Variants in GNG4 observed in about 807,000 individuals in gnomAD.
The protein encoded by GNG4 is G protein subunit gamma 4.
GNG4 carries 4 observed loss-of-function variants against 5.8 expected under a neutral mutation model. The observed-to-expected ratio is 0.69, with a 90% confidence interval of 0.34 to 1.57. The LOEUF is 1.57. Ranked by LOEUF, GNG4 falls within the 40% of genes most tolerant of loss-of-function variation. GNG4 has a pLI of 0.06. For missense variants in GNG4, 96 were observed against 95.1 expected (o/e 1.01, Z -0.04); for synonymous variants, 29 against 32.9 (o/e 0.88, Z 0.41).
At chr1:235,621,423 C>G (rs1391120003) in intron 1 of GNG4, among the ~76,000 whole-genome samples, 1 of 150,834 alleles carries the variant, frequency 6.6e-6, no homozygotes, top group Non-Finnish European at 1.5e-5. Flanking sequence ...TCCTGAGTAG[C>G]TGGGACTACA....
Position 235,648,432 on chromosome 1 carries a change from A to G in GNG4, c.-123+1230T>C, listed in dbSNP as rs1161725106. Among the ~76,000 whole-genome samples, 2 of 152,196 alleles carry G rather than the reference A, an allele frequency of 1.3e-5. No homozygotes were observed. The highest frequency in any genetic ancestry group is 4.8e-5 in the African/African-American group (2 of 41,442). On this transcript the variant is annotated intron_variant, in intron 1 of 3. Coordinates refer to ENST00000391854, the MANE Select transcript of GNG4 (RefSeq NM_001098722.2). This position sits in a 1 kb window ranked among gnomAD's most constrained non-coding sequence, Gnocchi z 5.0. ...TTCTCCGGGCTGGAAAAGGCTTTCC[A>G]TTTATCAACTTAGTTGTCCCCCCAG...
intron 3 of GNG4, among the ~76,000 whole-genome samples, chr1:235,554,740 G>A (rs528829748): frequency 6.6e-6 from 1 of 151,794 alleles, no homozygotes; most frequent in Non-Finnish European, 1.5e-5. Flanking sequence ...AGCTACTCAG[G>A]AGGCTGAGGC....
chr1:235,562,149 C>G (rs1468471679), intron 3 of GNG4, among the ~76,000 whole-genome samples: 1 of 152,208 alleles, frequency 6.6e-6, no homozygotes, highest in African/African-American at 2.4e-5. Flanking sequence ...GCTCTCTATT[C>G]TGTTCCACTG....
chr1:235,589,199 G>C (rs149250573), intron 2 of GNG4, among the ~76,000 whole-genome samples: 18 of 152,322 alleles, frequency 1.2e-4, no homozygotes, highest in African/African-American at 4.1e-4. Flanking sequence ...GTTTGTAAAA[G>C]CTATTATTGC....
At chr1:235,587,158 G>A (rs1227287443) in intron 2 of GNG4, among the ~76,000 whole-genome samples, 1 of 150,722 alleles carries the variant, frequency 6.6e-6, no homozygotes, top group African/African-American at 2.5e-5. Flanking sequence ...GTGGGGTGGG[G>A]GTGAGCGTGT....
chr1:235,573,336 AG>A (rs1430857047), intron 3 of GNG4, among the ~76,000 whole-genome samples: 36 of 69,374 alleles, frequency 5.2e-4, no homozygotes, highest in Admixed American at 1.7e-3. Flanking sequence ...GGGTGGGGGG[AG>A]GGGGGAGGGA....
chr1:235,604,083 C>T (rs984197915), intron 1 of GNG4, among the ~76,000 whole-genome samples: 2 of 152,182 alleles, frequency 1.3e-5, no homozygotes, highest in Non-Finnish European at 2.9e-5. Flanking sequence ...GAAGTTTACT[C>T]GTGGCCTGAG....
rs1686720506 is a variant in GNG4 at position 235,550,654 on chromosome 1, G to A, written c.*1455C>T. The A allele has an allele frequency of 6.6e-6, 1 of 151,990 alleles. No homozygotes were observed. The highest frequency in any genetic ancestry group is 2.1e-4 in the South Asian group (1 of 4,822). The allele number at this position is 151,990 out of a possible 1,614,324, so 9.4% of individuals were successfully genotyped here. A position where few individuals can be genotyped will look rare whatever the true frequency, so the allele number is the denominator to read the frequency against. On this transcript the variant is annotated 3_prime_UTR_variant, in exon 4 of 4. Transcript: ENST00000391854. The stretch of plus-strand genomic sequence containing the variant: ...CCGTCTCTACTAAAAATACAAAAAT[G>A]AGCCAGGCATGTTGGCGTGTGCTTG...
intron 1 of GNG4, among the ~76,000 whole-genome samples, chr1:235,623,877 T>A (rs1324655532): frequency 6.6e-6 from 1 of 152,192 alleles, no homozygotes; most frequent in African/African-American, 2.4e-5. Context: ...GAGGGAAGAA[T>A]GATTATTTCT....
intron 3 of GNG4, among the ~76,000 whole-genome samples, chr1:235,552,577 T>C (rs556013794): frequency 6.6e-5 from 10 of 152,252 alleles, no homozygotes; most frequent in African/African-American, 2.2e-4. Flanking sequence ...TGCTAAACCG[T>C]TTCTGGAAGA....
At chr1:235,634,938 A>G (rs150156060) in intron 1 of GNG4, among the ~76,000 whole-genome samples, 1 of 135,302 alleles carries the variant, frequency 7.4e-6, no homozygotes. Flanking sequence ...CTGTCTCAAA[A>G]AACAAAAAAC....
chr1:235,593,286 C>T (rs992434196), intron 2 of GNG4, among the ~76,000 whole-genome samples: 4 of 152,172 alleles, frequency 2.6e-5, no homozygotes, highest in African/African-American at 9.7e-5. Flanking sequence ...TCTTGCAGCA[C>T]ACAACTCAGT....
chr1:235,564,062 T>C (rs1687133026), intron 3 of GNG4, among the ~76,000 whole-genome samples: 2 of 152,208 alleles, frequency 1.3e-5, no homozygotes, highest in Non-Finnish European at 2.9e-5. Context: ...GTAGTATATA[T>C]ACACCATGAA....
intron 3 of GNG4, among the ~76,000 whole-genome samples, chr1:235,573,724 C>G (rs2102931662): frequency 6.6e-6 from 1 of 152,122 alleles, no homozygotes; most frequent in Non-Finnish European, 1.5e-5. Flanking sequence ...TTGCAGTGAG[C>G]CGAGATCGTG....
intron 3 of GNG4, among the ~76,000 whole-genome samples, chr1:235,582,219 C>T (rs1356907687): frequency 3.3e-5 from 5 of 152,216 alleles, no homozygotes; most frequent in East Asian, 3.8e-4. Flanking sequence ...CTGACAACTC[C>T]GTCTATTGCT....
At chr1:235,558,177 T>C (rs543982716) in intron 3 of GNG4, among the ~76,000 whole-genome samples, 1 of 152,316 alleles carries the variant, frequency 6.6e-6, no homozygotes, top group South Asian at 2.1e-4. Flanking sequence ...TAAGCCCGAA[T>C]GTGTGGATCT....
chr1:235,638,039 C>A (rs563403265), intron 1 of GNG4, among the ~76,000 whole-genome samples: 2 of 152,218 alleles, frequency 1.3e-5, no homozygotes, highest in Admixed American at 1.3e-4. Flanking sequence ...CTCCTGCCTG[C>A]GCATCTGGCC....
In GNG4 at chr1:235,642,992, T is replaced by C. The variant is rs181933292; in HGVS notation, c.-123+6670A>G. 1.3e-5 allele frequency among the ~76,000 whole-genome samples: 2 copies of C among 152,290 alleles called. No homozygotes were observed. The highest frequency in any genetic ancestry group is 4.8e-5 in the African/African-American group (2 of 41,566). On this transcript the variant is annotated intron_variant, in intron 1 of 3. Transcript: ENST00000391854. The surrounding 1 kb of genome is among the most constrained non-coding windows in gnomAD (Gnocchi z 4.3). ...GGGATCCCAGACACCAGCCTCTCCC[T>C]GGCCCTCTGTTTCCAATCAGACGGC...
chr1:235,628,738 C>T (rs574552966), intron 1 of GNG4, among the ~76,000 whole-genome samples: 5 of 152,318 alleles, frequency 3.3e-5, no homozygotes, highest in African/African-American at 9.6e-5. Flanking sequence ...GATTGAGACT[C>T]GCATCAGCCC....
Sources: allele counts gnomAD v4.1 joint callset (sites outside exome capture counted in the v4.1 genomes callset), GRCh38; gene constraint gnomAD v4.1.1; non-coding constraint Gnocchi (gnomAD v3.1); transcripts MANE v1.5; gene names NCBI Gene and HGNC (gene_info 2026-07-23, HGNC 2026-07-21).